Variants in DENND4C observed in about 807,000 individuals in gnomAD.
DENND4C encodes the protein DENN domain containing 4C.
A neutral mutation model predicts 203.0 loss-of-function variants in DENND4C; 108 were observed. That is an observed-to-expected ratio of 0.53 (90% CI 0.46 to 0.62). DENND4C has a LOEUF of 0.62. DENND4C is among the 20% of genes least tolerant of loss of function. The pLI, the probability that DENND4C is intolerant of heterozygous loss-of-function variation, is 0.00. For missense variants in DENND4C, 2,481 were observed against 2,301.2 expected (o/e 1.08, Z -1.60); for synonymous variants, 871 against 792.4 (o/e 1.10, Z -1.67).
At chr9:19,274,474 T>C (rs1476180482) in intron 1 of DENND4C, among the ~76,000 whole-genome samples, 2 of 152,140 alleles carry the variant, frequency 1.3e-5, no homozygotes, top group Admixed American at 1.3e-4. Flanking sequence ...TTTGTATATT[T>C]AGTAGAGATG....
chr9:19,331,680 G>T (rs1180996692), intron 16 of DENND4C, among the ~76,000 whole-genome samples: 3 of 152,138 alleles, frequency 2.0e-5, no homozygotes, highest in African/African-American at 7.2e-5. Context: ...CTTTGTAAAA[G>T]ACATGAGCCA....
At position 19,360,974 on chromosome 9, in the gene DENND4C, A is replaced by T. The variant is rs1000753596; in HGVS notation, c.5406+485A>T. ...TTGCAGCCTCCTTTTTCTGGGTTCA[A>T]GTGATTCTCCTGCCTCAGCCTCCCG... is the stretch of plus-strand genomic sequence containing the variant. On this transcript the variant is annotated intron_variant, in intron 29 of 32. Transcript: ENST00000434457. 2.0e-5 allele frequency among the ~76,000 whole-genome samples: 3 copies of T among 152,244 alleles called. 1 individual carries two copies.
intron 20 of DENND4C, 88 bp from the exon 21 acceptor site, chr9:19,340,904 T>C (rs942992150): frequency 8.2e-7 from 1 of 1,213,332 alleles, no homozygotes; most frequent in Non-Finnish European, 1.1e-6. Context: ...CGTAATTGTG[T>C]AGATCAGTGG....
intron 30 of DENND4C, among the ~76,000 whole-genome samples, chr9:19,366,473 G>A (rs544964207): frequency 6.4e-4 from 98 of 152,256 alleles, no homozygotes; most frequent in African/African-American, 2.1e-3. Flanking sequence ...GCGTGGTGGC[G>A]GGTACCTGTA....
intron 29 of DENND4C, 123 bp from the exon 30 acceptor site, chr9:19,361,723 T>G: frequency 1.8e-6 from 1 of 546,354 alleles, no homozygotes; most frequent in South Asian, 2.8e-5. Flanking sequence ...ATTAAAATTT[T>G]GATTCTGAAT....
intron 12 of DENND4C, among the ~76,000 whole-genome samples, chr9:19,318,297 C>T (rs1003633693): frequency 2.6e-5 from 4 of 151,046 alleles, no homozygotes; most frequent in Non-Finnish European, 4.4e-5. Context: ...CCAGCCTGGG[C>T]GACAAGAGTG....
In DENND4C at chr9:19,346,226, A is replaced by G. The variant is rs1245293557; in HGVS notation, c.3457A>G (p.Ser1153Gly). ...IARTHSFENV[S>G]CHLPDSRTCM... ...AAGAACCCATAGCTTTGAGAATGTT[A>G]GCTGTCACCTACCTGATAGTAGGAC... is the stretch of plus-strand genomic sequence containing the variant. The change falls in exon 23 of 33, where the codon AGC becomes GGC. Residue 1153 changes from serine (S) to glycine (G), a missense_variant. By Grantham distance (56) the Ser-to-Gly change is moderately conservative. This residue lies in a region of DENND4C where 2,289 missense variants were observed against 2,113.3 expected (regional missense o/e 1.08). Transcript: ENST00000434457. 3 of 1,614,214 alleles carry G rather than the reference A, an allele frequency of 1.9e-6. No individual in the cohort carries two copies. Among genetic ancestry groups the G allele is most frequent in the Non-Finnish European group, 2.5e-6 (3 of 1,180,026 alleles).
chr9:19,294,760 A>G (rs928879918), intron 5 of DENND4C, among the ~76,000 whole-genome samples: 4 of 152,216 alleles, frequency 2.6e-5, no homozygotes, highest in Admixed American at 6.5e-5. Context: ...TCTTAAAAAC[A>G]TTATTCTAAG....
At chr9:19,256,235 T>A (rs7868709) in intron 1 of DENND4C, among the ~76,000 whole-genome samples, 150,924 of 151,598 alleles carry the variant, frequency 1, 75,130 homozygotes, top group Non-Finnish European at 1. Context: ...TCCCAAGTAC[T>A]GAATTTGGAA....
chr9:19,235,922 G>A (rs1821859488), intron 1 of DENND4C, among the ~76,000 whole-genome samples: 1 of 151,624 alleles, frequency 6.6e-6, no homozygotes, highest in Non-Finnish European at 1.5e-5. Flanking sequence ...ATATATCTTT[G>A]TAATATTTTA....
intron 31 of DENND4C, 42 bp downstream of exon 31, chr9:19,370,029 TC>T (rs1828481541): frequency 6.2e-7 from 1 of 1,606,114 alleles, no homozygotes; most frequent in African/African-American, 1.3e-5. Flanking sequence ...CTCAGTCATT[TC>T]ATGTTTTTAA....
intron 23 of DENND4C, among the ~76,000 whole-genome samples, chr9:19,349,737 A>G (rs953671113): frequency 1.3e-5 from 2 of 152,228 alleles, no homozygotes; most frequent in Non-Finnish European, 2.9e-5. Flanking sequence ...TTTAAGCAAC[A>G]GGGGAGTTAG....
chr9:19,288,954 T>C (rs1440707167), intron 4 of DENND4C, among the ~76,000 whole-genome samples: 3 of 152,220 alleles, frequency 2.0e-5, no homozygotes, highest in African/African-American at 7.2e-5. Context: ...CTTAACAGTA[T>C]AATGGAAAGT....
At chr9:19,268,720 A>G (rs148590542) in intron 1 of DENND4C, among the ~76,000 whole-genome samples, 425 of 150,968 alleles carry the variant, frequency 2.8e-3, no homozygotes, top group African/African-American at 9.7e-3. Context: ...ATACAGGATA[A>G]AAGTTTTGTT....
Position 19,336,405 on chromosome 9 carries a change from T to C in DENND4C, c.2725T>C (p.Ser909Pro). The change falls in exon 19 of 33, where the codon TCA becomes CCA. Residue 909 changes from serine to proline, a missense_variant. Coordinates refer to ENST00000434457, the MANE Select transcript of DENND4C (RefSeq NM_001330640.2). The stretch of plus-strand genomic sequence containing the variant: ...GACTGTGCAAAGGTCACAGGTCTCC[T>C]CAATATCAGGTAATACATGTGATTA... ...KKTVQRSQVS[S>P]ISALQNVTGG... 1 of 1,613,096 alleles carries C rather than the reference T, an allele frequency of 6.2e-7. No individual in the cohort carries two copies. Among genetic ancestry groups the C allele is most frequent in the Non-Finnish European group, 8.5e-7 (1 of 1,179,708 alleles).
At chr9:19,235,376 A>T (rs147439560) in intron 1 of DENND4C, among the ~76,000 whole-genome samples, 356 of 152,358 alleles carry the variant, frequency 2.3e-3, no homozygotes, top group Non-Finnish European at 4.2e-3. Context: ...GTAGATGTGC[A>T]TGTATCACTT....
intron 12 of DENND4C, among the ~76,000 whole-genome samples, chr9:19,317,711 C>T (rs1229302083): frequency 6.6e-6 from 1 of 151,980 alleles, no homozygotes; most frequent in Non-Finnish European, 1.5e-5. Context: ...AAACCTAGCT[C>T]TATGGGATCT....
Position 19,272,795 on chromosome 9 carries a change from T to C in DENND4C, c.-17-3363T>C, listed in dbSNP as rs201981389. 3.3e-5 allele frequency among the ~76,000 whole-genome samples: 5 copies of C among 152,148 alleles called. No individual in the cohort carries two copies. In the East Asian group the frequency reaches 9.7e-4, roughly 29 times the overall value. On this transcript the variant is annotated intron_variant, in intron 1 of 32. Coordinates refer to ENST00000434457, the MANE Select transcript of DENND4C (RefSeq NM_001330640.2). ...TTTTATTTTGTTTTTTGAGATGGAG[T>C]CTTGCTCTCTCGCCCAGGTTGGAGC...
intron 20 of DENND4C, among the ~76,000 whole-genome samples, chr9:19,339,946 A>G (rs1821247405): frequency 6.6e-6 from 1 of 152,080 alleles, no homozygotes; most frequent in African/African-American, 2.4e-5. Context: ...TTTGGTCCTC[A>G]GATTATCCCC....
Sources: allele counts gnomAD v4.1 joint callset (sites outside exome capture counted in the v4.1 genomes callset), GRCh38; gene constraint gnomAD v4.1.1; regional missense constraint gnomAD v4.1.1; transcripts MANE v1.5; gene names NCBI Gene and HGNC (gene_info 2026-07-23, HGNC 2026-07-21).